MGAT4A: variants seen among roughly 807,000 people sequenced by gnomAD.
The protein encoded by MGAT4A is alpha-1,3-mannosyl-glycoprotein 4-beta-N-acetylglucosaminyltransferase A.
A neutral mutation model predicts 74.1 loss-of-function variants in MGAT4A; 33 were observed. The observed-to-expected ratio is 0.45, with a 90% CI of 0.34 to 0.60. The LOEUF (loss-of-function observed/expected upper bound fraction) is 0.60. Among genes scored for constraint, MGAT4A ranks in the 20% least tolerant of loss-of-function variants. The pLI, the probability that MGAT4A is intolerant of heterozygous loss-of-function variation, is 0.02. For missense variants in MGAT4A, 479 were observed against 628.3 expected (o/e 0.76, Z 2.54); for synonymous variants, 198 against 210.4 (o/e 0.94, Z 0.51).
intron 14 of MGAT4A, among the ~76,000 whole-genome samples, chr2:98,634,475 T>G (rs956352324): frequency 4.0e-5 from 6 of 151,382 alleles, no homozygotes; most frequent in Non-Finnish European, 8.8e-5. Flanking sequence ...TGAAGGTGGG[T>G]GGGAGCTAAG....
At chr2:98,681,228 G>A (rs1399977545) in intron 2 of MGAT4A, among the ~76,000 whole-genome samples, 3 of 152,086 alleles carry the variant, frequency 2.0e-5, no homozygotes, top group Admixed American at 6.6e-5. Context: ...TGATCCGCCC[G>A]CCTCAGCCTC....
chr2:98,632,043 G>A (rs2104219954), intron 14 of MGAT4A, among the ~76,000 whole-genome samples: 1 of 152,128 alleles, frequency 6.6e-6, no homozygotes, highest in African/African-American at 2.4e-5. Context: ...CCGGGAGGCG[G>A]CGCTTGCAGT....
chr2:98,730,197 T>C (rs1020286993), intron 1 of MGAT4A: 1 of 152,184 alleles, frequency 6.6e-6, no homozygotes, highest in Admixed American at 6.5e-5. Context: ...AAGCATACAT[T>C]GTGCCTGCTT....
chr2:98,694,935 C>T (rs1050447694), intron 2 of MGAT4A: 1 of 154,020 alleles, frequency 6.5e-6, no homozygotes, highest in Non-Finnish European at 1.5e-5. Flanking sequence ...ATGCAACCCC[C>T]CCCTTCCGAT....
At chr2:98,692,227 T>C (rs1388098454) in intron 2 of MGAT4A, among the ~76,000 whole-genome samples, 1 of 152,118 alleles carries the variant, frequency 6.6e-6, no homozygotes, top group East Asian at 1.9e-4. Flanking sequence ...CCAGAGTAGC[T>C]GAAGTACAGG....
chr2:98,696,595 TA>T (rs1702278676), intron 2 of MGAT4A, among the ~76,000 whole-genome samples: 1 of 152,188 alleles, frequency 6.6e-6, no homozygotes, highest in Non-Finnish European at 1.5e-5. Flanking sequence ...AAAGGGGAAA[TA>T]AGTACCCAAG....
intron 8 of MGAT4A, among the ~76,000 whole-genome samples, chr2:98,654,183 T>C (rs1575252729): frequency 1.3e-5 from 2 of 152,214 alleles, no homozygotes; most frequent in South Asian, 4.1e-4. Context: ...AGGTAATATA[T>C]GAAAAGCCCA....
At chr2:98,645,904 A>G (rs1479619154) in intron 8 of MGAT4A, among the ~76,000 whole-genome samples, 1 of 152,116 alleles carries the variant, frequency 6.6e-6, no homozygotes, top group Non-Finnish European at 1.5e-5. Flanking sequence ...GGAAAAAGAG[A>G]AGGAGGATAT....
chr2:98,622,022 T>C lies in MGAT4A; in HGVS notation c.*3544A>G. The C allele has an allele frequency of 1.0e-6, 1 of 987,378 alleles. No individual in the cohort carries two copies. Among genetic ancestry groups the C allele is most frequent in the African/African-American group, 1.7e-5 (1 of 57,388 alleles). The allele number at this position is 987,378 out of a possible 1,614,324, so 61.2% of individuals were successfully genotyped here. A position where few individuals can be genotyped will look rare whatever the true frequency, so the allele number is the denominator to read the frequency against. On this transcript the variant is annotated 3_prime_UTR_variant, in exon 16 of 16. Transcript: ENST00000393487. ...AAAGCTTTTCAATCACACTGTCTGT[T>C]CTGACTACACAGTATGGTACAGCGC...
chr2:98,686,621 A>G (rs2104298315), intron 2 of MGAT4A, among the ~76,000 whole-genome samples: 1 of 150,934 alleles, frequency 6.6e-6, no homozygotes, highest in Non-Finnish European at 1.5e-5. Context: ...ATCTCAGCCC[A>G]CTGCAATCTC....
intron 3 of MGAT4A, 90 bp from the exon 4 acceptor site, chr2:98,675,265 A>G (rs1164264734): frequency 2.2e-6 from 2 of 906,546 alleles, no homozygotes; most frequent in African/African-American, 3.4e-5. Context: ...AATAAGAACT[A>G]GAACTAAAGA....
At chr2:98,675,304 G>A in intron 3 of MGAT4A, 129 bp from the exon 4 acceptor site, 1 of 632,254 alleles carries the variant, frequency 1.6e-6, no homozygotes, top group Non-Finnish European at 2.7e-6. Context: ...ACACTCTGGT[G>A]AATGAGATCT....
In MGAT4A at chr2:98,625,135, TTA is replaced by T. The variant is rs1197249951; in HGVS notation, c.*429_*430del. On this transcript the variant is annotated 3_prime_UTR_variant, in exon 16 of 16. Coordinates refer to ENST00000393487, the MANE Select transcript of MGAT4A (RefSeq NM_012214.3). ...CTAATAAATTAATTCCATAACATTT[TTA>T]TGTATATTTATATATTTATATATAT... is the stretch of plus-strand genomic sequence containing the variant. 4.9e-6 allele frequency: 4 copies of T among 810,868 alleles called. No individual in the cohort carries two copies. The highest frequency in any genetic ancestry group is 6.0e-6 in the Non-Finnish European group (4 of 671,478). 50.2% of individuals were successfully genotyped at this position (810,868 alleles called of 1,614,324 possible). A position where few individuals can be genotyped will look rare whatever the true frequency, so the allele number is the denominator to read the frequency against.
chr2:98,678,613 G>C (rs760607197), intron 2 of MGAT4A, 142 bp from the exon 3 acceptor site: 12 of 446,118 alleles, frequency 2.7e-5, no homozygotes, highest in African/African-American at 4.0e-5. Context: ...AAAAAAAAAG[G>C]GTTCTGACTT....
At chr2:98,665,197 C>T (rs904640180) in intron 4 of MGAT4A, among the ~76,000 whole-genome samples, 5 of 151,740 alleles carry the variant, frequency 3.3e-5, no homozygotes, top group South Asian at 4.2e-4. Flanking sequence ...GGTGTGGTAG[C>T]GGGCGCCTGT....
In MGAT4A at chr2:98,667,739, G is replaced by A. The variant is rs144393374; in HGVS notation, c.404-4560C>T. On this transcript the variant is annotated intron_variant, in intron 4 of 15. Transcript: ENST00000393487. ...GTTGTTGTTGTTGTTGTTGTTTTGA[G>A]ACAGAGTTTCGATCTTGTGGCCCAG... Among the ~76,000 whole-genome samples the A allele has an allele frequency of 1.7e-3, 252 of 149,106 alleles. 1 individual carries two copies. Among genetic ancestry groups the A allele is most frequent in the African/African-American group, 6.0e-3 (241 of 39,920 alleles).
intron 2 of MGAT4A, among the ~76,000 whole-genome samples, chr2:98,723,040 G>A (rs879728150): frequency 6.6e-6 from 1 of 152,142 alleles, no homozygotes; most frequent in African/African-American, 2.4e-5. Context: ...ATTTTTATGT[G>A]GGAATCCAGT....
chr2:98,625,879 C>A, intron 14 of MGAT4A, 44 bp from the exon 15 acceptor site: 1 of 1,406,262 alleles, frequency 7.1e-7, no homozygotes, highest in Non-Finnish European at 1.0e-6. Context: ...CCGAGATAAG[C>A]AAACATAAAA....
intron 2 of MGAT4A, among the ~76,000 whole-genome samples, chr2:98,690,651 G>A (rs1348365117): frequency 6.6e-6 from 1 of 152,106 alleles, no homozygotes; most frequent in Non-Finnish European, 1.5e-5. Flanking sequence ...CAACATCAGT[G>A]AGAACAAACT....
Sources: allele counts gnomAD v4.1 joint callset (sites outside exome capture counted in the v4.1 genomes callset), GRCh38; gene constraint gnomAD v4.1.1; transcripts MANE v1.5; gene names NCBI Gene and HGNC (gene_info 2026-07-23, HGNC 2026-07-21).